UBE2E2: variants seen among roughly 807,000 people sequenced by gnomAD.
UBE2E2 encodes ubiquitin conjugating enzyme E2 E2, also known as ubiquitin-conjugating enzyme E2 E2.
Under a neutral mutation model 24.7 loss-of-function variants are expected in UBE2E2, and 6 were observed. The ratio of observed to expected loss-of-function variants is 0.24; its 90% confidence interval spans 0.13 to 0.48. The LOEUF (loss-of-function observed/expected upper bound fraction) is 0.48, where lower values mean the gene tolerates loss of function less well. UBE2E2 is among the 20% of genes least tolerant of loss of function. UBE2E2 has a pLI of 0.99. For synonymous variants in UBE2E2, 104 were observed against 83.6 expected (o/e 1.24, Z -1.33); for missense variants, 169 against 245.0 (o/e 0.69, Z 2.07).
intron 5 of UBE2E2, among the ~76,000 whole-genome samples, chr3:23,536,398 T>C (rs1454836995): frequency 1.3e-5 from 2 of 152,196 alleles, no homozygotes; most frequent in African/African-American, 4.8e-5. Context: ...CGTGTATAGG[T>C]CTGTATATCA....
At chr3:23,400,732 G>A (rs142175868) in intron 3 of UBE2E2, among the ~76,000 whole-genome samples, 1 of 151,686 alleles carries the variant, frequency 6.6e-6, no homozygotes. Context: ...AATTACAGTA[G>A]CCTTTAAAGC....
chr3:23,265,638 GC>G (rs1349070570), intron 3 of UBE2E2, among the ~76,000 whole-genome samples: 1 of 152,106 alleles, frequency 6.6e-6, no homozygotes, highest in Non-Finnish European at 1.5e-5. Flanking sequence ...TGTGGTTGAG[GC>G]CACAGGGAAC....
chr3:23,442,546 T>G (rs1167353749), intron 3 of UBE2E2, among the ~76,000 whole-genome samples: 2 of 152,234 alleles, frequency 1.3e-5, no homozygotes, highest in African/African-American at 4.8e-5. Flanking sequence ...AGTATAGTTT[T>G]AAGTATACTA....
intron 4 of UBE2E2, among the ~76,000 whole-genome samples, chr3:23,525,010 A>G (rs141055745): frequency 6.6e-6 from 1 of 152,254 alleles, no homozygotes; most frequent in Non-Finnish European, 1.5e-5. Context: ...AAATCAAGGT[A>G]TTAGCATGGC....
At chr3:23,506,750 C>A (rs1253152659) in intron 4 of UBE2E2, among the ~76,000 whole-genome samples, 1 of 152,180 alleles carries the variant, frequency 6.6e-6, no homozygotes, top group East Asian at 1.9e-4. Flanking sequence ...CTTCCCACCC[C>A]AGCCTCCCAA....
intron 3 of UBE2E2, among the ~76,000 whole-genome samples, chr3:23,397,011 C>T (rs1482189493): frequency 6.6e-6 from 1 of 152,166 alleles, no homozygotes; most frequent in Admixed American, 6.5e-5. Flanking sequence ...CCCATTACAT[C>T]ATTTCCTCTT....
intron 3 of UBE2E2, among the ~76,000 whole-genome samples, chr3:23,411,566 A>C (rs1340024975): frequency 6.6e-6 from 1 of 152,168 alleles, no homozygotes; most frequent in Non-Finnish European, 1.5e-5. Context: ...GTTGAGGTCA[A>C]ATTTATATGT....
chr3:23,420,060 C>G (rs1268004890), intron 3 of UBE2E2, among the ~76,000 whole-genome samples: 1 of 152,126 alleles, frequency 6.6e-6, no homozygotes, highest in African/African-American at 2.4e-5. Flanking sequence ...GATACAGATG[C>G]CTAAGAGAGA....
chr3:23,264,117 G>A (rs1697976983), intron 3 of UBE2E2, among the ~76,000 whole-genome samples: 1 of 152,092 alleles, frequency 6.6e-6, no homozygotes, highest in African/African-American at 2.4e-5. Context: ...GAAAATGTTG[G>A]AAGAGTTAAG....
Position 23,560,885 on chromosome 3 carries a change from C to A in UBE2E2, c.508+28184C>A, listed in dbSNP as rs1250019001. ...TGTCTTCTTTTGAGAAGTGTCTGTTCATATCCTTTGCCCACTTTTTGATGG... is the reference window on the plus strand; with the variant it reads ...TGTCTTCTTTTGAGAAGTGTCTGTTAATATCCTTTGCCCACTTTTTGATGG... On this transcript the variant is annotated intron_variant, in intron 5 of 5. Transcript: ENST00000396703. Among the ~76,000 whole-genome samples, 4 of 152,272 alleles carry A rather than the reference C, an allele frequency of 2.6e-5. No individual in the cohort carries two copies. The South Asian group carries it at 8.3e-4, about 32-fold the overall frequency.
At chr3:23,301,393 A>T (rs1352110845) in intron 3 of UBE2E2, among the ~76,000 whole-genome samples, 1 of 151,814 alleles carries the variant, frequency 6.6e-6, no homozygotes, top group Non-Finnish European at 1.5e-5. Context: ...CTGCTCTGTT[A>T]TTTTCCCATG....
chr3:23,387,874 A>C (rs1178405064), intron 3 of UBE2E2, among the ~76,000 whole-genome samples: 1 of 152,170 alleles, frequency 6.6e-6, no homozygotes, highest in Non-Finnish European at 1.5e-5. Context: ...TTTTTCTCTA[A>C]TGCTGCTAGT....
intron 4 of UBE2E2, among the ~76,000 whole-genome samples, chr3:23,508,668 G>A (rs1694512562): frequency 6.6e-6 from 1 of 152,196 alleles, no homozygotes; most frequent in African/African-American, 2.4e-5. Context: ...TAAAGGTGGA[G>A]GTTTCAAACA....
At chr3:23,308,940 C>G (rs1699305737) in intron 3 of UBE2E2, among the ~76,000 whole-genome samples, 1 of 152,174 alleles carries the variant, frequency 6.6e-6, no homozygotes, top group Non-Finnish European at 1.5e-5. Context: ...GCTGAAGAAC[C>G]TGGAGTCTGA....
chr3:23,420,257 G>A lies in UBE2E2; in HGVS notation c.228-79351G>A, dbSNP rs185686597. Among the ~76,000 whole-genome samples the A allele has an allele frequency of 1.2e-3, 177 of 152,296 alleles. 1 individual carries two copies. Among genetic ancestry groups the A allele is most frequent in the Admixed American group, 0.012 (176 of 15,294 alleles). ...GTGCATTGCATATTGTAAGAGCCCA[G>A]TAAATGCTTAATGAGGGTATATATG... is the stretch of plus-strand genomic sequence containing the variant. On this transcript the variant is annotated intron_variant, in intron 3 of 5. Transcript: ENST00000396703.
chr3:23,463,342 TGGAATTA>T (rs1698852878), intron 3 of UBE2E2, among the ~76,000 whole-genome samples: 1 of 152,104 alleles, frequency 6.6e-6, no homozygotes, highest in Admixed American at 6.5e-5. Flanking sequence ...CCAGGCAGCT[TGGAATTA>T]GGAAGAGGAA....
At chr3:23,314,553 G>T (rs1046378837) in intron 3 of UBE2E2, among the ~76,000 whole-genome samples, 1 of 152,124 alleles carries the variant, frequency 6.6e-6, no homozygotes, top group African/African-American at 2.4e-5. Flanking sequence ...AGTGAGTTTT[G>T]TATCTTCACA....
In UBE2E2 at chr3:23,382,429, A is replaced by G. The variant is rs971785562; in HGVS notation, c.228-117179A>G. On this transcript the variant is annotated intron_variant, in intron 3 of 5. Transcript: ENST00000396703. ...ACTCCCAACCTCGGGTAATCCGCCC[A>G]CCTCAGCCTCCGAAAGTGCTAGGAT... Among the ~76,000 whole-genome samples the G allele has an allele frequency of 3.3e-5, 5 of 152,082 alleles. No individual in the cohort carries two copies. In the South Asian group the frequency reaches 1.0e-3, roughly 32 times the overall value.
At chr3:23,354,307 C>T (rs1361243712) in intron 3 of UBE2E2, among the ~76,000 whole-genome samples, 2 of 152,046 alleles carry the variant, frequency 1.3e-5, no homozygotes, top group African/African-American at 4.8e-5. Context: ...TAGGCATTAC[C>T]ATTGAGGACA....
Sources: allele counts gnomAD v4.1 joint callset (sites outside exome capture counted in the v4.1 genomes callset), GRCh38; gene constraint gnomAD v4.1.1; transcripts MANE v1.5; gene names NCBI Gene and HGNC (gene_info 2026-07-23, HGNC 2026-07-21).